LTBP1: variants seen among roughly 807,000 people sequenced by gnomAD.
The protein encoded by LTBP1 is latent-transforming growth factor beta-binding protein 1.
A neutral mutation model predicts 207.6 loss-of-function variants in LTBP1; 129 were observed. That is an observed-to-expected ratio of 0.62 (90% CI 0.54 to 0.72). LTBP1 has a LOEUF of 0.72. LTBP1 is among the 30% of genes least tolerant of loss of function. The pLI, the probability that LTBP1 is intolerant of heterozygous loss-of-function variation, is 0.00. For synonymous variants in LTBP1, 963 were observed against 833.7 expected, an observed-to-expected ratio of 1.16 and a Z score of -2.67; for missense variants, 2,281 against 2,217.2, an observed-to-expected ratio of 1.03 and a Z score of -0.58.
At chr2:33,052,943 C>G (rs563206477) in intron 3 of LTBP1, among the ~76,000 whole-genome samples, 3 of 150,704 alleles carry the variant, frequency 2.0e-5, no homozygotes, top group Non-Finnish European at 2.9e-5. Context: ...GGTGTGATCT[C>G]GGCTCACTGC....
At chr2:33,323,666 A>G (rs2094388221) in intron 24 of LTBP1, among the ~76,000 whole-genome samples, 1 of 152,158 alleles carries the variant, frequency 6.6e-6, no homozygotes, top group South Asian at 2.1e-4. Context: ...AAGTGGAACT[A>G]TCCTAATTTG....
chr2:33,003,484 G>A (rs561160183), intron 2 of LTBP1, among the ~76,000 whole-genome samples: 2 of 152,222 alleles, frequency 1.3e-5, no homozygotes, highest in South Asian at 4.1e-4. Context: ...CAACTCTGAA[G>A]GTTACGCTTG....
At chr2:33,042,145 A>C (rs145974093) in intron 3 of LTBP1, among the ~76,000 whole-genome samples, 1 of 152,286 alleles carries the variant, frequency 6.6e-6, no homozygotes, top group East Asian at 1.9e-4. Context: ...CTTGCCATCC[A>C]TAGATCTTCT....
intron 26 of LTBP1, among the ~76,000 whole-genome samples, chr2:33,359,585 A>C (rs1289855565): frequency 6.6e-6 from 1 of 152,206 alleles, no homozygotes; most frequent in Non-Finnish European, 1.5e-5. Context: ...GAAATAGTAG[A>C]GTTCTAGTGG....
At chr2:33,144,752 C>G (rs932305327) in intron 5 of LTBP1, among the ~76,000 whole-genome samples, 1 of 152,124 alleles carries the variant, frequency 6.6e-6, no homozygotes, top group Non-Finnish European at 1.5e-5. Flanking sequence ...GAGTTGATCT[C>G]AATTTTGCAT....
intron 5 of LTBP1, among the ~76,000 whole-genome samples, chr2:33,172,673 C>A (rs1056685130): frequency 6.6e-6 from 1 of 152,188 alleles, no homozygotes; most frequent in African/African-American, 2.4e-5. Context: ...ATCTACAGAA[C>A]TCTCCACCCC....
intron 22 of LTBP1, among the ~76,000 whole-genome samples, chr2:33,307,336 A>G (rs1021469550): frequency 6.6e-6 from 1 of 152,228 alleles, no homozygotes; most frequent in South Asian, 2.1e-4. Flanking sequence ...ATGATTTTAG[A>G]AATATTTATA....
intron 24 of LTBP1, among the ~76,000 whole-genome samples, chr2:33,325,342 A>AT (rs1392231550): frequency 3.9e-5 from 6 of 152,144 alleles, no homozygotes; most frequent in African/African-American, 1.4e-4. Flanking sequence ...AAAAGTGAGA[A>AT]TTTTTTGGCT....
chr2:33,124,673 T>C (rs184598473), intron 4 of LTBP1, among the ~76,000 whole-genome samples: 38 of 152,386 alleles, frequency 2.5e-4, no homozygotes, highest in African/African-American at 8.7e-4. Context: ...TAGTATATCA[T>C]GGTTTAAATG....
At chr2:33,003,722 G>T (rs964392866) in intron 2 of LTBP1, among the ~76,000 whole-genome samples, 3 of 152,316 alleles carry the variant, frequency 2.0e-5, no homozygotes, top group Middle Eastern at 3.4e-3. Flanking sequence ...CATGAAAGTT[G>T]TAAGAATCAG....
chr2:33,307,989 A>G (rs1321393368), intron 22 of LTBP1, among the ~76,000 whole-genome samples: 1 of 152,272 alleles, frequency 6.6e-6, no homozygotes, highest in East Asian at 1.9e-4. Context: ...ACAGATGGCA[A>G]CAGTCTCCAT....
chr2:32,986,728 C>A (rs1683647739), intron 2 of LTBP1, among the ~76,000 whole-genome samples: 1 of 152,186 alleles, frequency 6.6e-6, no homozygotes, highest in South Asian at 2.1e-4. Context: ...CAAGTCTCAG[C>A]CCTGGTGATC....
At chr2:33,335,978 C>T (rs150746548) in intron 24 of LTBP1, among the ~76,000 whole-genome samples, 42 of 152,282 alleles carry the variant, frequency 2.8e-4, no homozygotes, top group Non-Finnish European at 5.1e-4. Flanking sequence ...CTGTCTAAGT[C>T]CTGGGACCTC....
chr2:33,268,078 T>A (rs1263375643), intron 15 of LTBP1, among the ~76,000 whole-genome samples: 1 of 152,206 alleles, frequency 6.6e-6, no homozygotes, highest in Non-Finnish European at 1.5e-5. Context: ...TCTGAAAGAA[T>A]CCATAGGGGG....
At chr2:32,969,624 G>A (rs890976035) in intron 2 of LTBP1, among the ~76,000 whole-genome samples, 1 of 152,110 alleles carries the variant, frequency 6.6e-6, no homozygotes, top group Non-Finnish European at 1.5e-5. Flanking sequence ...TTAAGGCTGT[G>A]TAATATTCCA....
chr2:33,006,989 G>C (rs1335121937), intron 2 of LTBP1, among the ~76,000 whole-genome samples: 1 of 152,150 alleles, frequency 6.6e-6, no homozygotes, highest in African/African-American at 2.4e-5. Context: ...AATTACTGTG[G>C]TCTCTGTAGC....
intron 5 of LTBP1, among the ~76,000 whole-genome samples, chr2:33,136,142 G>T (rs1315291674): frequency 6.6e-6 from 1 of 152,168 alleles, no homozygotes; most frequent in Non-Finnish European, 1.5e-5. Context: ...AAAAATATGT[G>T]CCCATAGATA....
At chr2:33,173,988 T>C (rs1192069557) in intron 5 of LTBP1, among the ~76,000 whole-genome samples, 1 of 134,270 alleles carries the variant, frequency 7.4e-6, no homozygotes, top group African/African-American at 2.6e-5. Context: ...ATAAATTAGG[T>C]ATTGATGGGA....
chr2:33,178,377 T>G (rs867961815), intron 5 of LTBP1, among the ~76,000 whole-genome samples: 1 of 152,082 alleles, frequency 6.6e-6, no homozygotes, highest in Non-Finnish European at 1.5e-5. Flanking sequence ...AATGGCGAGG[T>G]TGATGATAAA....
Sources: allele counts gnomAD v4.1 joint callset (sites outside exome capture counted in the v4.1 genomes callset), GRCh38; gene constraint gnomAD v4.1.1; transcripts MANE v1.5; gene names NCBI Gene and HGNC (gene_info 2026-07-23, HGNC 2026-07-21).